SARS1: variants seen among roughly 807,000 people sequenced by gnomAD.
SARS1 encodes serine--tRNA ligase, cytoplasmic.
Under a neutral mutation model 63.7 loss-of-function variants are expected in SARS1, and 25 were observed. The observed-to-expected ratio is 0.39, with a 90% confidence interval of 0.29 to 0.55. The LOEUF is 0.55. Among genes scored for constraint, SARS1 ranks in the 20% least tolerant of loss-of-function variants. The pLI is 0.62. For synonymous variants in SARS1, 231 were observed against 243.5 expected (o/e 0.95, Z 0.48); for missense variants, 417 against 649.7 (o/e 0.64, Z 3.89).
chr1:109,218,406 C>CTTTTT (rs34756917), intron 1 of SARS1, among the ~76,000 whole-genome samples: 1 of 118,668 alleles, frequency 8.4e-6, no homozygotes. Context: ...AGATATTTTA[C>CTTTTT]TTTTTTTTTT....
chr1:109,216,522 C>T (rs1654792611), intron 1 of SARS1: 1 of 985,180 alleles, frequency 1.0e-6, no homozygotes, highest in South Asian at 4.7e-5. Flanking sequence ...AATAGATTTC[C>T]ATGTAACTGG....
rs1570750513 is a variant in SARS1, at chr1:109,213,935, G to A, written c.-58G>A. 1.9e-6 allele frequency: 3 copies of A among 1,540,590 alleles called. No homozygotes were observed. The highest frequency in any genetic ancestry group is 1.8e-6 in the Non-Finnish European group (2 of 1,140,506). ...GCGCCGGCGCAGTGCGGCGGTCACAGGCTGAGTGCTGCGGCGCGATCCTTG... is the reference window on the plus strand; with the variant it reads ...GCGCCGGCGCAGTGCGGCGGTCACAAGCTGAGTGCTGCGGCGCGATCCTTG... On this transcript the variant is annotated 5_prime_UTR_variant, in exon 1 of 11. Coordinates refer to ENST00000234677, the MANE Select transcript of SARS1 (RefSeq NM_006513.4).
At position 109,237,954 on chromosome 1, in the gene SARS1, C is replaced by A; in HGVS notation, c.*66C>A. 2 of 1,570,500 alleles carry A rather than the reference C, an allele frequency of 1.3e-6. No individual in the cohort carries two copies. The highest frequency in any genetic ancestry group is 1.2e-5 in the South Asian group (1 of 86,672). ...TGCTGAGATCTCAGAGCCTGCCCAA[C>A]AGCAGGGAAGCCAAGCACCCATTCA... On this transcript the variant is annotated 3_prime_UTR_variant, in exon 11 of 11. Coordinates refer to ENST00000234677, the MANE Select transcript of SARS1 (RefSeq NM_006513.4). The surrounding 1 kb of genome is among the most constrained non-coding windows in gnomAD (Gnocchi z 4.1).
At chr1:109,236,659 CT>C in intron 9 of SARS1, 111 bp downstream of exon 9, 1 of 1,495,210 alleles carries the variant, frequency 6.7e-7, no homozygotes, top group Admixed American at 2.3e-5. Flanking sequence ...AAAATCTGAG[CT>C]TCTCAATCTA....
At chr1:109,227,677 G>GA (rs1395300971) in intron 2 of SARS1, among the ~76,000 whole-genome samples, 1 of 151,332 alleles carries the variant, frequency 6.6e-6, no homozygotes, top group Non-Finnish European at 1.5e-5. Flanking sequence ...CAAGGTGGGG[G>GA]ATCACTTAAG....
At chr1:109,218,926 G>A (rs1654856865) in intron 1 of SARS1, among the ~76,000 whole-genome samples, 1 of 152,000 alleles carries the variant, frequency 6.6e-6, no homozygotes, top group Admixed American at 6.6e-5. Context: ...TGTACAGGTT[G>A]ATGAGTTTTC....
At position 109,213,919 on chromosome 1, in the gene SARS1, C is replaced by T. The variant is rs1654723406; in HGVS notation, c.-74C>T. ...GGAAGGGCGGGTCAGCGCGCCGGCG[C>T]AGTGCGGCGGTCACAGGCTGAGTGC... On this transcript the variant is annotated 5_prime_UTR_variant, in exon 1 of 11. Transcript: ENST00000234677. The T allele has an allele frequency of 4.7e-6, 7 of 1,489,492 alleles. No individual in the cohort carries two copies. In the East Asian group the frequency reaches 7.6e-5, roughly 16 times the overall value. The allele number at this position is 1,489,492 out of a possible 1,614,324, so 92.3% of individuals were successfully genotyped here. A position where few individuals can be genotyped will look rare whatever the true frequency, so the allele number is the denominator to read the frequency against.
rs755304640 is a variant in SARS1 at position 109,213,968 on chromosome 1, G to A, written c.-25G>A. The stretch of plus-strand genomic sequence containing the variant: ...GCTGCGGCGCGATCCTTGCTTCCCT[G>A]AGCGTTGGCCCGGGAGGAAAGAAGA... On this transcript the variant is annotated 5_prime_UTR_variant, in exon 1 of 11. Coordinates refer to ENST00000234677, the MANE Select transcript of SARS1 (RefSeq NM_006513.4). The A allele has an allele frequency of 1.3e-6, 2 of 1,599,984 alleles. No individual in the cohort carries two copies. Among genetic ancestry groups the A allele is most frequent in the South Asian group, 2.2e-5 (2 of 89,824 alleles).
At position 109,238,054 on chromosome 1, in the gene SARS1, C is replaced by T. The variant is rs1024680694; in HGVS notation, c.*166C>T. 18 of 716,840 alleles carry T rather than the reference C, an allele frequency of 2.5e-5. No individual in the cohort carries two copies. Among genetic ancestry groups the T allele is most frequent in the African/African-American group, 9.0e-5 (5 of 55,780 alleles). The allele number at this position is 716,840 out of a possible 1,614,324, so 44.4% of individuals were successfully genotyped here. On this transcript the variant is annotated 3_prime_UTR_variant, in exon 11 of 11. Transcript: ENST00000234677. Reference sequence around the variant, plus strand: ...TACCACACAGATGTTCCTGTCTCCTCGCATGGGCATAGGGACCCATCATTG... The same window carrying T: ...TACCACACAGATGTTCCTGTCTCCTTGCATGGGCATAGGGACCCATCATTG...
intron 1 of SARS1, among the ~76,000 whole-genome samples, chr1:109,218,618 T>C (rs1556768): frequency 0.98 from 149,488 of 152,258 alleles, 73,430 homozygotes; most frequent in Middle Eastern, 1. Context: ...CTGGCCTCGC[T>C]GTCTACCACT....
intron 1 of SARS1, among the ~76,000 whole-genome samples, chr1:109,223,020 C>CA (rs1233784965): frequency 2.0e-5 from 3 of 152,000 alleles, no homozygotes; most frequent in Non-Finnish European, 4.4e-5. Context: ...GTCTCAACAA[C>CA]AAAAAACCTT....
chr1:109,221,412 A>T (rs112219874), intron 1 of SARS1, among the ~76,000 whole-genome samples: 4 of 152,234 alleles, frequency 2.6e-5, no homozygotes, highest in East Asian at 1.9e-4. Flanking sequence ...GGTTAGGAAC[A>T]AGACAAGTAT....
chr1:109,225,333 C>G (rs1420495940), intron 2 of SARS1, among the ~76,000 whole-genome samples: 2 of 152,162 alleles, frequency 1.3e-5, no homozygotes, highest in African/African-American at 4.8e-5. Flanking sequence ...GCGTGTAACA[C>G]TTTTAGCTGT....
Position 109,237,953 on chromosome 1 carries a change from A to G in SARS1, c.*65A>G. 2 of 1,571,496 alleles carry G rather than the reference A, an allele frequency of 1.3e-6. No homozygotes were observed. Among genetic ancestry groups the G allele is most frequent in the South Asian group, 2.3e-5 (2 of 86,792 alleles). On this transcript the variant is annotated 3_prime_UTR_variant, in exon 11 of 11. Coordinates refer to ENST00000234677, the MANE Select transcript of SARS1 (RefSeq NM_006513.4). The surrounding 1 kb of genome is among the most constrained non-coding windows in gnomAD (Gnocchi z 4.1). ...CTGCTGAGATCTCAGAGCCTGCCCA[A>G]CAGCAGGGAAGCCAAGCACCCATTC... is the stretch of plus-strand genomic sequence containing the variant.
chr1:109,230,771 C>T (rs1655191200), intron 4 of SARS1, 107 bp from the exon 5 acceptor site: 1 of 1,014,176 alleles, frequency 9.9e-7, no homozygotes, highest in South Asian at 1.9e-5. Flanking sequence ...TGCCATTGCA[C>T]TCCAGCCTGG....
chr1:109,237,459 GT>G lies in SARS1; in HGVS notation c.1387+93del. ...GCAGTCCCCTTTCAGGATATACCAGGTTTTTTTGTTCAGACACAGCCCCTGA... is the reference window on the plus strand; with the variant it reads ...GCAGTCCCCTTTCAGGATATACCAGGTTTTTTGTTCAGACACAGCCCCTGA... On this transcript the variant is annotated intron_variant, in intron 10 of 10. Coordinates refer to ENST00000234677, the MANE Select transcript of SARS1 (RefSeq NM_006513.4). This position sits in a 1 kb window ranked among gnomAD's most constrained non-coding sequence, Gnocchi z 4.1. 2 of 1,580,492 alleles carry G rather than the reference GT, an allele frequency of 1.3e-6. No individual in the cohort carries two copies. Among genetic ancestry groups the G allele is most frequent in the Non-Finnish European group, 1.7e-6 (2 of 1,158,088 alleles).
At chr1:109,219,110 C>T (rs1475485730) in intron 1 of SARS1, among the ~76,000 whole-genome samples, 12 of 150,636 alleles carry the variant, frequency 8.0e-5, no homozygotes, top group Non-Finnish European at 1.2e-4. Context: ...ACTAAAAATT[C>T]AAAAAATTAG....
chr1:109,227,130 G>GATT (rs1387671915), intron 2 of SARS1, among the ~76,000 whole-genome samples: 1 of 151,606 alleles, frequency 6.6e-6, no homozygotes, highest in African/African-American at 2.4e-5. Context: ...GAGTAGTTGG[G>GATT]ATTACAGGTG....
In SARS1 at chr1:109,237,978, C is replaced by A; in HGVS notation, c.*90C>A. On this transcript the variant is annotated 3_prime_UTR_variant, in exon 11 of 11. Transcript: ENST00000234677. This position sits in a 1 kb window ranked among gnomAD's most constrained non-coding sequence, Gnocchi z 4.1. Reference sequence around the variant, plus strand: ...ACAGCAGGGAAGCCAAGCACCCATTCATCCCCCTGCCCCCATCTGACTGCG... The same window carrying A: ...ACAGCAGGGAAGCCAAGCACCCATTAATCCCCCTGCCCCCATCTGACTGCG... The A allele has an allele frequency of 1.4e-6, 2 of 1,429,036 alleles. No homozygotes were observed. Among genetic ancestry groups the A allele is most frequent in the South Asian group, 1.3e-5 (1 of 78,018 alleles). The allele number at this position is 1,429,036 out of a possible 1,614,324, so 88.5% of individuals were successfully genotyped here. A position where few individuals can be genotyped will look rare whatever the true frequency, so the allele number is the denominator to read the frequency against.
Sources: allele counts gnomAD v4.1 joint callset (sites outside exome capture counted in the v4.1 genomes callset), GRCh38; gene constraint gnomAD v4.1.1; non-coding constraint Gnocchi (gnomAD v3.1); transcripts MANE v1.5; gene names NCBI Gene and HGNC (gene_info 2026-07-23, HGNC 2026-07-21).